LDB3: variants seen among roughly 807,000 people sequenced by gnomAD.
LDB3 encodes LIM domain binding 3, also known as LIM domain-binding protein 3.
LDB3 carries 49 observed loss-of-function variants against 69.0 expected under a neutral mutation model. The ratio of observed to expected loss-of-function variants is 0.71; its 90% confidence interval spans 0.56 to 0.90. The LOEUF (loss-of-function observed/expected upper bound fraction) is 0.90. LDB3 is among the 40% of genes least tolerant of loss of function. LDB3 has a pLI of 0.00. For synonymous variants in LDB3, 387 were observed against 396.2 expected (o/e 0.98, Z 0.28); for missense variants, 928 against 974.1 (o/e 0.95, Z 0.63).
chr10:86,699,611 C>T lies in LDB3; in HGVS notation c.897-6920C>T. ...TCCCCAGGGCAACCCTCGCCACCCC[C>T]CAAATAGCCCGTAGCCCAATCCCCT... On this transcript the variant is annotated intron_variant, in intron 7 of 13. Coordinates refer to ENST00000361373, the MANE Select transcript of LDB3 (RefSeq NM_007078.3). The surrounding 1 kb of genome is among the most constrained non-coding windows in gnomAD (Gnocchi z 4.9). The T allele has an allele frequency of 2.9e-6, 4 of 1,394,032 alleles. No homozygotes were observed. Among genetic ancestry groups the T allele is most frequent in the South Asian group, 3.0e-5 (2 of 66,926 alleles). The allele number at this position is 1,394,032 out of a possible 1,614,324, so 86.4% of individuals were successfully genotyped here.
intron 6 of LDB3, 34 bp downstream of exon 6, chr10:86,692,099 G>A (rs1253119261): frequency 1.9e-6 from 3 of 1,612,324 alleles, no homozygotes; most frequent in Admixed American, 1.7e-5. Flanking sequence ...CTGCAGAGGA[G>A]GGAGATGCTG....
At chr10:86,698,429 A>C (rs554551394) in intron 7 of LDB3, among the ~76,000 whole-genome samples, 86 of 152,294 alleles carry the variant, frequency 5.6e-4, no homozygotes, top group Non-Finnish European at 1.0e-3. Context: ...GGAGGATGTG[A>C]TCGGCCCTTC....
chr10:86,690,068 C>G (rs1845686159), intron 5 of LDB3, among the ~76,000 whole-genome samples: 1 of 152,162 alleles, frequency 6.6e-6, no homozygotes, highest in Non-Finnish European at 1.5e-5. Context: ...CTTTCTTGAA[C>G]CCTTGGAGCC....
At chr10:86,680,245 C>A in intron 4 of LDB3, 88 bp downstream of exon 4, 4 of 1,227,754 alleles carry the variant, frequency 3.3e-6, no homozygotes, top group Non-Finnish European at 4.7e-6. Context: ...TTGGCTGGCC[C>A]AACTGGGATG....
chr10:86,713,310 G>A (rs1282549564), intron 9 of LDB3, among the ~76,000 whole-genome samples: 1 of 151,868 alleles, frequency 6.6e-6, no homozygotes, highest in African/African-American at 2.4e-5. Flanking sequence ...ACAATGGCAC[G>A]ACTTCGACTC....
chr10:86,679,550 A>C, intron 3 of LDB3, 32 bp downstream of exon 3: 1 of 1,612,284 alleles, frequency 6.2e-7, no homozygotes, highest in South Asian at 1.1e-5. Flanking sequence ...CAGGGGGCGG[A>C]GGTTTGGGTG....
intron 13 of LDB3, among the ~76,000 whole-genome samples, chr10:86,729,812 C>T (rs541477651): frequency 2.0e-4 from 31 of 152,320 alleles, no homozygotes; most frequent in African/African-American, 7.2e-4. Context: ...CACCTTCTCT[C>T]CCCAGCCTGA....
intron 9 of LDB3, among the ~76,000 whole-genome samples, chr10:86,711,563 C>G (rs1846667006): frequency 6.6e-6 from 1 of 151,958 alleles, no homozygotes; most frequent in African/African-American, 2.4e-5. Flanking sequence ...GAGCCCCCCT[C>G]CGCTCCCCTT....
chr10:86,667,559 C>A (rs1844229409), upstream of LDB3, among the ~76,000 whole-genome samples: 1 of 152,204 alleles, frequency 6.6e-6, no homozygotes, highest in Non-Finnish European at 1.5e-5. Context: ...CCCCTCCTGG[C>A]CCTGTGTCTA....
chr10:86,698,370 G>A (rs1215763864), intron 7 of LDB3, among the ~76,000 whole-genome samples: 2 of 152,232 alleles, frequency 1.3e-5, no homozygotes, highest in Non-Finnish European at 2.9e-5. Context: ...AACATACTGT[G>A]TTTGTGGCTG....
chr10:86,712,320 TC>T (rs1390482157), intron 9 of LDB3, among the ~76,000 whole-genome samples: 2 of 152,142 alleles, frequency 1.3e-5, no homozygotes, highest in African/African-American at 2.4e-5. Flanking sequence ...TGTAAGGCCT[TC>T]CGATGGAGGG....
At chr10:86,674,731 G>A (rs1844686890) in intron 2 of LDB3, among the ~76,000 whole-genome samples, 1 of 152,178 alleles carries the variant, frequency 6.6e-6, no homozygotes, top group Admixed American at 6.5e-5. Context: ...CCAAGGAGTT[G>A]GGTGCTTTGG....
Position 86,732,003 on chromosome 10 carries a change from CTTTTTCTT to C in LDB3, c.2095-878_2095-871del, listed in dbSNP as rs1171785464. Among the ~76,000 whole-genome samples, 1,071 of 123,230 alleles carry C rather than the reference CTTTTTCTT, an allele frequency of 8.7e-3. 21 individuals carry two copies. The highest frequency in any genetic ancestry group is 0.031 in the African/African-American group (977 of 31,302). 80.8% of individuals were successfully genotyped at this position (123,230 alleles called of 152,430 possible). On this transcript the variant is annotated intron_variant, in intron 13 of 13. Transcript: ENST00000361373. Reference sequence around the variant, plus strand: ...TTAACTAATTTTCTTTTCTTTCTTTCTTTTTCTTTTTTTTTTTTTTTGGTAGAGACAGA... The same window carrying C: ...TTAACTAATTTTCTTTTCTTTCTTTCTTTTTTTTTTTTTGGTAGAGACAGA...
intron 13 of LDB3, among the ~76,000 whole-genome samples, chr10:86,731,550 C>T (rs1397117449): frequency 1.3e-5 from 2 of 152,058 alleles, no homozygotes; most frequent in Non-Finnish European, 2.9e-5. Flanking sequence ...GGTGGCATTC[C>T]ATTGGAAAAA....
chr10:86,732,003 CTTTTTCT>C (rs1465981555), intron 13 of LDB3, among the ~76,000 whole-genome samples: 373 of 123,234 alleles, frequency 3.0e-3, no homozygotes, highest in African/African-American at 0.011. Flanking sequence ...TTCTTTCTTT[CTTTTTCT>C]TTTTTTTTTT....
chr10:86,732,646 C>T, intron 13 of LDB3: 1 of 506,856 alleles, frequency 2.0e-6, no homozygotes, highest in East Asian at 5.0e-5. Context: ...GGATTACAGG[C>T]ACATGGCAAC....
At chr10:86,685,133 G>C (rs1845392972) in intron 5 of LDB3, among the ~76,000 whole-genome samples, 1 of 152,200 alleles carries the variant, frequency 6.6e-6, no homozygotes, top group African/African-American at 2.4e-5. Context: ...GGAGGGAGAG[G>C]AGGTCAGGTT....
chr10:86,730,045 A>G (rs146361147), intron 13 of LDB3, among the ~76,000 whole-genome samples: 10 of 152,294 alleles, frequency 6.6e-5, no homozygotes, highest in Non-Finnish European at 1.2e-4. Context: ...TATACTCAGC[A>G]TCACTGCATC....
At chr10:86,687,939 A>T (rs1357448151) in intron 5 of LDB3, among the ~76,000 whole-genome samples, 1 of 152,110 alleles carries the variant, frequency 6.6e-6, no homozygotes, top group Non-Finnish European at 1.5e-5. Flanking sequence ...CAATGCAAAC[A>T]TTCATGCAGA....
Sources: gnomAD v4.1 joint callset for allele counts (sites outside exome capture counted in the v4.1 genomes callset) on GRCh38, gnomAD v4.1.1 for gene constraint, Gnocchi (gnomAD v3.1) non-coding constraint, MANE v1.5 for transcripts, NCBI Gene and HGNC (gene_info 2026-07-23, HGNC 2026-07-21) for gene names.